The following STX17 variants were observed in gnomAD, a reference collection of about 807,000 sequenced individuals.
The protein encoded by STX17 is syntaxin 17, also known as syntaxin-17.
STX17 carries 29 observed loss-of-function variants against 35.9 expected under a neutral mutation model. The ratio of observed to expected loss-of-function variants is 0.81; its 90% CI spans 0.60 to 1.10. STX17 has a LOEUF of 1.10. STX17 is among the 50% of genes least tolerant of loss of function. STX17 has a pLI of 0.00. For synonymous variants in STX17, 92 were observed against 118.3 expected (o/e 0.78, Z 1.44); for missense variants, 312 against 352.3 (o/e 0.89, Z 0.92).
At chr9:99,934,428 G>A (rs1261711736) in intron 3 of STX17, among the ~76,000 whole-genome samples, 2 of 152,014 alleles carry the variant, frequency 1.3e-5, no homozygotes, top group African/African-American at 4.8e-5. Context: ...ACTCTTTTTG[G>A]TGGCTTAGTT....
intron 1 of STX17, among the ~76,000 whole-genome samples, chr9:99,911,810 CAAG>C (rs1383292960): frequency 6.6e-6 from 1 of 152,162 alleles, no homozygotes; most frequent in Non-Finnish European, 1.5e-5. Context: ...CTCTTGGCCT[CAAG>C]TGATCCTCCT....
In STX17 at chr9:99,915,292, A is replaced by G; in HGVS notation, c.53A>G (p.Gln18Arg). The part of the protein sequence containing the change: ...VKLRRLEPAI[Q>R]KFIKIVIPTD... Reference sequence around the variant, plus strand: ...TTACGCCGTCTTGAACCAGCTATCCAGAAATTCATTAAGATAGTAATCCCA... The same window carrying G: ...TTACGCCGTCTTGAACCAGCTATCCGGAAATTCATTAAGATAGTAATCCCA... Residue 18 changes from glutamine (Q) to arginine (R), a missense_variant, in exon 2 of 8, where the codon CAG becomes CGG. Gln to Arg is a conservative substitution (Grantham distance 43, BLOSUM62 1). Transcript: ENST00000259400. 1 of 1,613,088 alleles carries G rather than the reference A, an allele frequency of 6.2e-7. No homozygotes were observed. Among genetic ancestry groups the G allele is most frequent in the East Asian group, 2.2e-5 (1 of 44,768 alleles).
At chr9:99,954,648 A>G (rs1829672249) in intron 4 of STX17, among the ~76,000 whole-genome samples, 1 of 152,062 alleles carries the variant, frequency 6.6e-6, no homozygotes, top group Non-Finnish European at 1.5e-5. Context: ...TATAGTAGCA[A>G]CAGCCTATAT....
At chr9:99,950,435 A>G (rs1829570117) in intron 3 of STX17, among the ~76,000 whole-genome samples, 1 of 151,952 alleles carries the variant, frequency 6.6e-6, no homozygotes, top group African/African-American at 2.4e-5. Flanking sequence ...GTTAATATAT[A>G]CTAATATAGT....
intron 2 of STX17, among the ~76,000 whole-genome samples, chr9:99,922,755 A>G (rs553893259): frequency 6.6e-6 from 1 of 152,334 alleles, no homozygotes; most frequent in African/African-American, 2.4e-5. Context: ...ATGCTTTTGA[A>G]GAAGGGAGAA....
intron 2 of STX17, among the ~76,000 whole-genome samples, chr9:99,920,305 A>G (rs1257964648): frequency 6.6e-6 from 1 of 152,176 alleles, no homozygotes; most frequent in East Asian, 1.9e-4. Context: ...CGTGGAAGGA[A>G]ACAGTCCTCT....
chr9:99,951,988 A>C (rs946283375), intron 4 of STX17, among the ~76,000 whole-genome samples: 4 of 151,946 alleles, frequency 2.6e-5, no homozygotes, highest in African/African-American at 9.7e-5. Flanking sequence ...TTAGAGCCAA[A>C]ATTTTTAGCC....
chr9:99,910,164 C>T (rs868190130), intron 1 of STX17, among the ~76,000 whole-genome samples: 4 of 150,946 alleles, frequency 2.6e-5, no homozygotes, highest in South Asian at 2.1e-4. Context: ...ACCTAAGGGG[C>T]GGAGGTTGCA....
At chr9:99,930,458 G>A (rs1164183943) in intron 3 of STX17, among the ~76,000 whole-genome samples, 1 of 151,398 alleles carries the variant, frequency 6.6e-6, no homozygotes, top group Non-Finnish European at 1.5e-5. Flanking sequence ...TAGTAGAGAT[G>A]GGGTTTCACA....
intron 2 of STX17, among the ~76,000 whole-genome samples, chr9:99,922,002 A>G (rs1270274366): frequency 1.3e-5 from 2 of 152,148 alleles, no homozygotes; most frequent in East Asian, 1.9e-4. Flanking sequence ...TTTTACATCC[A>G]TTGACAATAT....
chr9:99,966,495 A>C (rs1203044195), intron 6 of STX17, among the ~76,000 whole-genome samples: 1 of 152,204 alleles, frequency 6.6e-6, no homozygotes, highest in African/African-American at 2.4e-5. Context: ...ATATAAATGA[A>C]TAGGCCAATT....
chr9:99,937,294 G>C (rs899755193), intron 3 of STX17, among the ~76,000 whole-genome samples: 2 of 151,970 alleles, frequency 1.3e-5, no homozygotes, highest in Admixed American at 1.3e-4. Context: ...TGGACTTATC[G>C]TTTGCATCAA....
chr9:99,943,793 T>G (rs1829418535), intron 3 of STX17, among the ~76,000 whole-genome samples: 2 of 152,202 alleles, frequency 1.3e-5, no homozygotes, highest in South Asian at 4.1e-4. Context: ...TTAATCTTCT[T>G]AAGTTTCGTT....
At chr9:99,922,032 C>T (rs759383905) in intron 2 of STX17, among the ~76,000 whole-genome samples, 3 of 152,126 alleles carry the variant, frequency 2.0e-5, no homozygotes, top group Non-Finnish European at 1.5e-5. Flanking sequence ...CATTTGTCAC[C>T]TTTCAGACAC....
At chr9:99,912,151 G>A (rs545081578) in intron 1 of STX17, among the ~76,000 whole-genome samples, 7 of 152,152 alleles carry the variant, frequency 4.6e-5, no homozygotes, top group Non-Finnish European at 1.0e-4. Context: ...GCTTGAACCC[G>A]GGAGGCAGAG....
intron 3 of STX17, among the ~76,000 whole-genome samples, chr9:99,938,230 T>G (rs1829278115): frequency 6.6e-6 from 1 of 152,174 alleles, no homozygotes; most frequent in African/African-American, 2.4e-5. Flanking sequence ...CCTCTGCATA[T>G]TTCCAGGGCT....
chr9:99,914,709 C>T (rs1274558423), intron 1 of STX17, among the ~76,000 whole-genome samples: 2 of 152,130 alleles, frequency 1.3e-5, no homozygotes, highest in Non-Finnish European at 2.9e-5. Context: ...TGACATTAGA[C>T]ATGAAGTTTG....
intron 6 of STX17, among the ~76,000 whole-genome samples, chr9:99,960,633 G>A (rs778025476): frequency 7.9e-5 from 12 of 151,950 alleles, no homozygotes; most frequent in South Asian, 2.1e-4. Flanking sequence ...TAGTGAAGAC[G>A]GGGTTTCACC....
At chr9:99,940,289 C>A (rs1247373251) in intron 3 of STX17, among the ~76,000 whole-genome samples, 1 of 151,674 alleles carries the variant, frequency 6.6e-6, no homozygotes, top group African/African-American at 2.4e-5. Context: ...CACCACCATG[C>A]CTGGATAATT....
Sources: allele counts gnomAD v4.1 joint callset (sites outside exome capture counted in the v4.1 genomes callset), GRCh38; gene constraint gnomAD v4.1.1; transcripts MANE v1.5; gene names NCBI Gene and HGNC (gene_info 2026-07-23, HGNC 2026-07-21).